The following APMAP variants were observed in gnomAD, a reference collection of about 807,000 sequenced individuals.
APMAP encodes the protein adipocyte plasma membrane-associated protein.
APMAP carries 33 observed loss-of-function variants against 43.6 expected under a neutral mutation model. That is an observed-to-expected ratio of 0.76 (90% CI 0.57 to 1.01). APMAP has a LOEUF of 1.01. APMAP is among the 50% of genes least tolerant of loss of function. APMAP has a pLI of 0.00. For synonymous variants in APMAP, 224 were observed against 216.7 expected (o/e 1.03, Z -0.30); for missense variants, 498 against 540.7 (o/e 0.92, Z 0.78).
Position 24,970,306 on chromosome 20 carries a change from CATT to C in APMAP, c.601_603del (p.Asn201del). ...CTCCCATCCTGAGTGACTGTAAGAT[CATT>C]CACAAAGGACATGTTCTTCCCCTCA... On this transcript the variant is annotated inframe_deletion, in exon 6 of 9. Transcript: ENST00000217456. The C allele has an allele frequency of 6.2e-7, 1 of 1,614,086 alleles. No individual in the cohort carries two copies. Among genetic ancestry groups the C allele is most frequent in the Non-Finnish European group, 8.5e-7 (1 of 1,179,982 alleles).
chr20:24,973,866 T>C lies in APMAP; in HGVS notation c.329-129A>G, dbSNP rs142678311. 3.9e-5 allele frequency: 29 copies of C among 744,248 alleles called. 1 individual carries two copies. In the East Asian group the frequency reaches 7.8e-4, roughly 20 times the overall value. The allele number at this position is 744,248 out of a possible 1,614,324, so 46.1% of individuals were successfully genotyped here. A position where few individuals can be genotyped will look rare whatever the true frequency, so the allele number is the denominator to read the frequency against. On this transcript the variant is annotated intron_variant, in intron 3 of 8. Coordinates refer to ENST00000217456, the MANE Select transcript of APMAP (RefSeq NM_020531.3). ...ATAGAGGAAATGCCAATTCTCAAGATGGAAGAGAAGCAATTTCTGGGAATA... is the reference window on the plus strand; with the variant it reads ...ATAGAGGAAATGCCAATTCTCAAGACGGAAGAGAAGCAATTTCTGGGAATA...
intron 2 of APMAP, among the ~76,000 whole-genome samples, chr20:24,980,464 G>A (rs1364454451): frequency 6.6e-6 from 1 of 151,986 alleles, no homozygotes. Flanking sequence ...GCAGCATGGG[G>A]TCACCATAGT....
Position 24,971,366 on chromosome 20 carries a change from A to C in APMAP, c.538+94T>G, listed in dbSNP as rs935743355. 5 of 1,099,524 alleles carry C rather than the reference A, an allele frequency of 4.5e-6. No homozygotes were observed. In the African/African-American group the frequency reaches 7.9e-5, roughly 17 times the overall value. The allele number at this position is 1,099,524 out of a possible 1,614,324, so 68.1% of individuals were successfully genotyped here. On this transcript the variant is annotated intron_variant, in intron 5 of 8. Transcript: ENST00000217456. ...TAAGAAATATCAGAGTCTTTAGTAG[A>C]CTGTTGCTAACAAATCCTATTAAGT...
intron 2 of APMAP, among the ~76,000 whole-genome samples, chr20:24,981,778 T>C (rs1218858351): frequency 6.6e-6 from 1 of 152,232 alleles, no homozygotes; most frequent in Non-Finnish European, 1.5e-5. Context: ...TTTTTTACCA[T>C]AAATTTGACT....
chr20:24,980,902 T>C (rs1461801321), intron 2 of APMAP, among the ~76,000 whole-genome samples: 2 of 152,174 alleles, frequency 1.3e-5, no homozygotes, highest in Non-Finnish European at 2.9e-5. Flanking sequence ...AGGGCCACCA[T>C]GGTCAAGAGG....
At chr20:24,966,474 C>T (rs1302597315) in intron 8 of APMAP, among the ~76,000 whole-genome samples, 1 of 152,238 alleles carries the variant, frequency 6.6e-6, no homozygotes, top group African/African-American at 2.4e-5. Context: ...ACCACCCCAA[C>T]AGAGCAAACT....
At chr20:24,980,515 G>A (rs2088093829) in intron 2 of APMAP, among the ~76,000 whole-genome samples, 1 of 150,548 alleles carries the variant, frequency 6.6e-6, no homozygotes, top group Admixed American at 6.6e-5. Context: ...TACACGCTGG[G>A]CAGCGCGGGG....
At chr20:24,989,341 A>T (rs1415529704) in intron 1 of APMAP, among the ~76,000 whole-genome samples, 1 of 152,228 alleles carries the variant, frequency 6.6e-6, no homozygotes, top group Non-Finnish European at 1.5e-5. Flanking sequence ...TGAAGGCAAG[A>T]GCACAACCAC....
At chr20:24,973,884 T>C in intron 3 of APMAP, 147 bp from the exon 4 acceptor site, 1 of 689,180 alleles carries the variant, frequency 1.5e-6, no homozygotes, top group Non-Finnish European at 2.4e-6. Flanking sequence ...AAGCAATTTC[T>C]GGGAATATGA....
At chr20:24,975,063 A>G (rs923766142) in intron 3 of APMAP, among the ~76,000 whole-genome samples, 3 of 152,190 alleles carry the variant, frequency 2.0e-5, no homozygotes, top group African/African-American at 7.2e-5. Flanking sequence ...AAAAATCTAC[A>G]TATAACATCA....
intron 4 of APMAP, 35 bp downstream of exon 4, chr20:24,973,610 G>A: frequency 1.3e-6 from 2 of 1,578,686 alleles, no homozygotes; most frequent in Non-Finnish European, 8.7e-7. Context: ...CTGAAAGACT[G>A]GAAGAGACAC....
chr20:24,990,937 T>C (rs1328585903), intron 1 of APMAP, among the ~76,000 whole-genome samples: 1 of 151,840 alleles, frequency 6.6e-6, no homozygotes, highest in Admixed American at 6.6e-5. Context: ...GACAGGGAAG[T>C]CAAGGAAATA....
At position 24,963,730 on chromosome 20, in the gene APMAP, G is replaced by T; in HGVS notation, c.*83C>A. The T allele has an allele frequency of 7.1e-7, 1 of 1,403,674 alleles. No homozygotes were observed. Among genetic ancestry groups the T allele is most frequent in the Non-Finnish European group, 9.9e-7 (1 of 1,005,274 alleles). 87.0% of individuals were successfully genotyped at this position (1,403,674 alleles called of 1,614,324 possible). A position where few individuals can be genotyped will look rare whatever the true frequency, so the allele number is the denominator to read the frequency against. On this transcript the variant is annotated 3_prime_UTR_variant, in exon 9 of 9. Coordinates refer to ENST00000217456, the MANE Select transcript of APMAP (RefSeq NM_020531.3). ...ATGTGGACACTTGAACCACGACTGTGTCCACAGCTCCTCCTGGACCAGGCC... is the reference window on the plus strand; with the variant it reads ...ATGTGGACACTTGAACCACGACTGTTTCCACAGCTCCTCCTGGACCAGGCC...
In APMAP at chr20:24,970,242, C is replaced by T. The variant is rs372125369; in HGVS notation, c.668G>A (p.Arg223Lys). 4 of 1,614,084 alleles carry T rather than the reference C, an allele frequency of 2.5e-6. No individual in the cohort carries two copies. Among genetic ancestry groups the T allele is most frequent in the Non-Finnish European group, 3.4e-6 (4 of 1,180,058 alleles). The stretch of plus-strand genomic sequence containing the variant: ...CATCACCAGAAGCAGGTAGTCTCGT[C>T]TTTGCCATTTGCTGCTAGAATCGGT... ...YFTDSSSKWQRRDYLLLVMEG... is the reference protein window; with the variant it reads ...YFTDSSSKWQKRDYLLLVMEG... Residue 223 changes from arginine (R) to lysine (K), a missense_variant, in exon 6 of 9, where the codon AGA becomes AAA. Physicochemically the swap from Arg to Lys is conservative, Grantham distance 26. Transcript: ENST00000217456.
At chr20:24,971,401 C>G in intron 5 of APMAP, 59 bp downstream of exon 5, 1 of 1,423,590 alleles carries the variant, frequency 7.0e-7, no homozygotes, top group Non-Finnish European at 9.9e-7. Context: ...TCTACACATA[C>G]ATATATTGTT....
chr20:24,992,302 G>A (rs1351198903), intron 1 of APMAP, among the ~76,000 whole-genome samples: 5 of 152,190 alleles, frequency 3.3e-5, no homozygotes, highest in African/African-American at 1.2e-4. Context: ...GAGTGAGGGA[G>A]GGAAGGCAAA....
chr20:24,980,248 G>C (rs1462273704), intron 2 of APMAP, among the ~76,000 whole-genome samples: 1 of 152,232 alleles, frequency 6.6e-6, no homozygotes, highest in Non-Finnish European at 1.5e-5. Flanking sequence ...CCTGTCCCCT[G>C]CCTCCAGCAA....
chr20:24,966,900 G>C (rs549620675), intron 8 of APMAP, among the ~76,000 whole-genome samples: 2 of 152,294 alleles, frequency 1.3e-5, no homozygotes, highest in South Asian at 4.1e-4. Context: ...GTGAGTGACA[G>C]GGCATTAGGC....
chr20:24,991,231 GT>G (rs1411351922), intron 1 of APMAP, among the ~76,000 whole-genome samples: 1 of 152,222 alleles, frequency 6.6e-6, no homozygotes. Flanking sequence ...AAAATGCCTT[GT>G]TTTCAAGATT....
Sources: allele counts gnomAD v4.1 joint callset (sites outside exome capture counted in the v4.1 genomes callset), GRCh38; gene constraint gnomAD v4.1.1; transcripts MANE v1.5; gene names NCBI Gene and HGNC (gene_info 2026-07-23, HGNC 2026-07-21).